The following MAPK10 variants were observed in gnomAD, a reference collection of about 807,000 sequenced individuals.
MAPK10 encodes the protein JNK3 alpha protein kinase.
Under a neutral mutation model 59.3 loss-of-function variants are expected in MAPK10, and 25 were observed. The ratio of observed to expected loss-of-function variants is 0.42; its 90% confidence interval spans 0.31 to 0.59. The LOEUF is 0.59. MAPK10 is among the 20% of genes least tolerant of loss of function. MAPK10 has a pLI of 0.15. For synonymous variants in MAPK10, 190 were observed against 200.5 expected, an observed-to-expected ratio of 0.95 and a Z score of 0.44; for missense variants, 351 against 568.9, an observed-to-expected ratio of 0.62 and a Z score of 3.90.
chr4:86,218,226 C>G (rs2035056), intron 2 of MAPK10, among the ~76,000 whole-genome samples: 3 of 151,784 alleles, frequency 2.0e-5, no homozygotes, highest in Non-Finnish European at 4.4e-5. Context: ...TATTTTGAGA[C>G]GGAGTCTCAC....
chr4:86,576,239 G>GA (rs2149110220), intron 1 of MAPK10, among the ~76,000 whole-genome samples: 1 of 152,056 alleles, frequency 6.6e-6, no homozygotes, highest in East Asian at 1.9e-4. Context: ...AAATTCAGTG[G>GA]AAAAAGATGA....
intron 2 of MAPK10, among the ~76,000 whole-genome samples, chr4:86,206,531 C>T (rs7677406): frequency 0.029 from 4,430 of 152,070 alleles, 93 homozygotes; most frequent in African/African-American, 0.081. Flanking sequence ...TTTATAGCAG[C>T]ATGATTTATA....
At chr4:86,252,003 A>G (rs1484595682) in intron 2 of MAPK10, among the ~76,000 whole-genome samples, 1 of 116,028 alleles carries the variant, frequency 8.6e-6, no homozygotes, top group South Asian at 2.4e-4. Flanking sequence ...CATGTCCTTC[A>G]CCCACTTTTT....
At chr4:86,084,081 G>A (rs1427697799) in intron 9 of MAPK10, among the ~76,000 whole-genome samples, 1 of 152,176 alleles carries the variant, frequency 6.6e-6, no homozygotes, top group East Asian at 1.9e-4. Context: ...GGCCTTGGGT[G>A]AAACTCTGAG....
At chr4:86,428,319 T>G (rs774434151) in intron 1 of MAPK10, among the ~76,000 whole-genome samples, 5 of 152,038 alleles carry the variant, frequency 3.3e-5, no homozygotes, top group Non-Finnish European at 5.9e-5. Flanking sequence ...AATTTTTGTA[T>G]TTTTTGTTTT....
At chr4:86,311,851 A>G (rs574647391) in intron 2 of MAPK10, among the ~76,000 whole-genome samples, 54 of 152,262 alleles carry the variant, frequency 3.5e-4, no homozygotes, top group African/African-American at 1.2e-3. Context: ...AAACAAATAG[A>G]AAGATCAATC....
intron 2 of MAPK10, among the ~76,000 whole-genome samples, chr4:86,307,162 A>G (rs1052251143): frequency 3.3e-5 from 5 of 152,196 alleles, no homozygotes; most frequent in Non-Finnish European, 5.9e-5. Flanking sequence ...ACATTTTCAG[A>G]AGAGGTCCTT....
intron 2 of MAPK10, among the ~76,000 whole-genome samples, chr4:86,322,249 T>C (rs1478188149): frequency 6.6e-6 from 1 of 152,206 alleles, no homozygotes; most frequent in Non-Finnish European, 1.5e-5. Context: ...AAAATTTGCA[T>C]TTGTTTGTCC....
intron 1 of MAPK10, among the ~76,000 whole-genome samples, chr4:86,472,585 A>C (rs1752747185): frequency 6.6e-6 from 1 of 152,168 alleles, no homozygotes; most frequent in African/African-American, 2.4e-5. Flanking sequence ...TTGAGCCTGC[A>C]GTGAGCTGTG....
chr4:86,500,943 A>G (rs1755258216), intron 1 of MAPK10, among the ~76,000 whole-genome samples: 1 of 152,000 alleles, frequency 6.6e-6, no homozygotes, highest in African/African-American at 2.4e-5. Flanking sequence ...TAATAGGACA[A>G]TTTTTTTCTC....
chr4:86,125,242 G>T (rs958409203), intron 4 of MAPK10: 1 of 151,024 alleles, frequency 6.6e-6, no homozygotes, highest in Non-Finnish European at 1.5e-5. Flanking sequence ...TAAAACTTAA[G>T]AATAATAAAT....
At chr4:86,266,821 A>G (rs1240095551) in intron 2 of MAPK10, among the ~76,000 whole-genome samples, 1 of 152,116 alleles carries the variant, frequency 6.6e-6, no homozygotes, top group Non-Finnish European at 1.5e-5. Flanking sequence ...CCTAGGCAGT[A>G]TAAGATATTA....
intron 12 of MAPK10, among the ~76,000 whole-genome samples, chr4:86,031,096 A>ACCGC (rs1436981116): frequency 2.6e-5 from 4 of 152,194 alleles, no homozygotes; most frequent in Admixed American, 6.5e-5. Context: ...ACAAACACTG[A>ACCGC]CAATCAGTAC....
chr4:86,102,368 A>C (rs989039543), intron 6 of MAPK10: 1 of 216,450 alleles, frequency 4.6e-6, no homozygotes, highest in African/African-American at 2.3e-5. Context: ...TCTTCCATTA[A>C]ATTCAATGTA....
At chr4:86,421,907 T>G (rs529559431) in intron 1 of MAPK10, among the ~76,000 whole-genome samples, 1 of 152,198 alleles carries the variant, frequency 6.6e-6, no homozygotes, top group African/African-American at 2.4e-5. Flanking sequence ...TCCCATCAGG[T>G]GCCACCACTG....
chr4:86,107,414 C>T (rs1295334882), intron 4 of MAPK10, 62 bp from the exon 5 acceptor site: 2 of 1,568,928 alleles, frequency 1.3e-6, no homozygotes, highest in Non-Finnish European at 1.7e-6. Context: ...CTCTTGCCTA[C>T]TTGATTAAGG....
intron 4 of MAPK10, among the ~76,000 whole-genome samples, chr4:86,129,322 A>C (rs2060613394): frequency 1.3e-5 from 2 of 152,202 alleles, no homozygotes; most frequent in Non-Finnish European, 2.9e-5. Flanking sequence ...GCTTCCAGAA[A>C]ATACTAAAAG....
chr4:86,468,076 T>C (rs1027586219), intron 1 of MAPK10, among the ~76,000 whole-genome samples: 3 of 152,150 alleles, frequency 2.0e-5, no homozygotes, highest in African/African-American at 7.2e-5. Context: ...TCTCTCCTTT[T>C]CCCAGGTCCC....
chr4:86,550,387 A>AAAAAAAAAAAAC (rs1759671017), intron 1 of MAPK10, among the ~76,000 whole-genome samples: 3 of 70,516 alleles, frequency 4.3e-5, no homozygotes, highest in Admixed American at 1.9e-4. Context: ...AAAAAAAAAA[A>AAAAAAAAAAAAC]AAAAAAAAAA....
Sources: allele counts gnomAD v4.1 joint callset (sites outside exome capture counted in the v4.1 genomes callset), GRCh38; gene constraint gnomAD v4.1.1; transcripts MANE v1.5; gene names NCBI Gene and HGNC (gene_info 2026-07-23, HGNC 2026-07-21).